The following DUSP19 variants were observed in gnomAD, a reference collection of about 807,000 sequenced individuals.
DUSP19 encodes dual specificity phosphatase 19, also known as dual specificity protein phosphatase 19.
In DUSP19, 14 loss-of-function variants were observed where a neutral mutation model predicts 16.6. That is an observed-to-expected ratio of 0.84 (90% CI 0.56 to 1.32). The LOEUF (loss-of-function observed/expected upper bound fraction) is 1.32. Ranked by LOEUF, DUSP19 falls within the 40% of genes most tolerant of loss-of-function variation. DUSP19 has a pLI of 0.00. For synonymous variants in DUSP19, 81 were observed against 90.5 expected (o/e 0.90, Z 0.59); for missense variants, 258 against 255.9 (o/e 1.01, Z -0.06).
At chr2:183,083,401 C>G (rs749940422) in intron 1 of DUSP19, 107 bp from the exon 2 acceptor site, 46 of 1,113,460 alleles carry the variant, frequency 4.1e-5, no homozygotes, top group Non-Finnish European at 5.8e-5. Context: ...AAGGTCCTTC[C>G]AAGTTGTTGG....
rs771489024 is a variant in DUSP19, at chr2:183,095,476, G to T, written c.472G>T (p.Ala158Ser). Residue 158 changes from alanine to serine, a missense_variant, in exon 4 of 4, where the codon GCT becomes TCT. By Grantham distance (99) the Ala-to-Ser change is moderately conservative. Coordinates refer to ENST00000354221, the MANE Select transcript of DUSP19 (RefSeq NM_080876.4). ...TTGTAATGCAGGCGTTTCCAGGGCTGCTGCAATTGTAATAGGTTTCCTGAT... is the reference window on the plus strand; with the variant it reads ...TTGTAATGCAGGCGTTTCCAGGGCTTCTGCAATTGTAATAGGTTTCCTGAT... ...VHCNAGVSRA[A>S]AIVIGFLMNS... is the part of the protein sequence containing the mutation. 4 of 1,613,110 alleles carry T rather than the reference G, an allele frequency of 2.5e-6. No homozygotes were observed. Among genetic ancestry groups the T allele is most frequent in the Middle Eastern group, 1.6e-4 (1 of 6,080 alleles).
At chr2:183,092,621 T>A (rs1210084237) in intron 3 of DUSP19, among the ~76,000 whole-genome samples, 1 of 152,170 alleles carries the variant, frequency 6.6e-6, no homozygotes, top group East Asian at 1.9e-4. Flanking sequence ...GTACCACATT[T>A]TCATTATACA....
intron 2 of DUSP19, among the ~76,000 whole-genome samples, 194 bp from the exon 3 acceptor site, chr2:183,086,844 TAA>T (rs776333155): frequency 3.5e-5 from 5 of 143,756 alleles, no homozygotes; most frequent in Non-Finnish European, 7.5e-5. Flanking sequence ...AATAATAAGT[TAA>T]AAGAGAGAGA....
chr2:183,091,427 C>T (rs188733734), intron 3 of DUSP19, among the ~76,000 whole-genome samples: 53 of 152,252 alleles, frequency 3.5e-4, no homozygotes, highest in Admixed American at 5.9e-4. Context: ...GTCCAAGCAG[C>T]GGCCCAAGGG....
intron 1 of DUSP19, among the ~76,000 whole-genome samples, chr2:183,082,423 T>C (rs900991779): frequency 7.2e-6 from 1 of 139,196 alleles, no homozygotes; most frequent in Non-Finnish European, 1.6e-5. Flanking sequence ...ATTTTTCTTT[T>C]TTTTTTTTTT....
intron 1 of DUSP19, among the ~76,000 whole-genome samples, chr2:183,081,510 T>C (rs1008236500): frequency 1.3e-5 from 2 of 152,102 alleles, no homozygotes; most frequent in African/African-American, 2.4e-5. Flanking sequence ...GCCTCCCAAA[T>C]TTCTGGGATT....
chr2:183,079,825 TAGTC>T (rs764580805), intron 1 of DUSP19, among the ~76,000 whole-genome samples: 2 of 152,200 alleles, frequency 1.3e-5, no homozygotes, highest in Non-Finnish European at 2.9e-5. Context: ...CTTAAAAAAA[TAGTC>T]AAGAATGTTT....
At chr2:183,084,861 G>A (rs924591694) in intron 2 of DUSP19, among the ~76,000 whole-genome samples, 1 of 152,196 alleles carries the variant, frequency 6.6e-6, no homozygotes, top group Non-Finnish European at 1.5e-5. Flanking sequence ...GATAGAATTA[G>A]ATAGATGTGA....
chr2:183,079,069 G>T lies in DUSP19; in HGVS notation c.136G>T (p.Val46Leu). 1 of 1,614,178 alleles carries T rather than the reference G, an allele frequency of 6.2e-7. No homozygotes were observed. The highest frequency in any genetic ancestry group is 8.5e-7 in the Non-Finnish European group (1 of 1,180,036). The change falls in exon 1 of 4, where the codon GTA becomes TTA. Residue 46 changes from valine to leucine, a missense_variant. Physicochemically the swap from Val to Leu is conservative, Grantham distance 32 (BLOSUM62 1). Transcript: ENST00000354221. ...KDARIHVVEE[V>L]EPSSGGGCGY... ...TGCCAGAATTCATGTTGTGGAAGAA[G>T]TAGAGCCGAGCAGTGGGGGTGGTTG... is the stretch of plus-strand genomic sequence containing the variant.
chr2:183,084,957 A>G (rs1007742705), intron 2 of DUSP19, among the ~76,000 whole-genome samples: 1 of 152,194 alleles, frequency 6.6e-6, no homozygotes, highest in African/African-American at 2.4e-5. Context: ...GGAGGAGTCA[A>G]GGCTGATGTC....
Position 183,079,135 on chromosome 2 carries a change from G to C in DUSP19, c.202G>C (p.Val68Leu), listed in dbSNP as rs541193805. 6.2e-7 allele frequency: 1 copy of C among 1,613,870 alleles called. No homozygotes were observed. The highest frequency in any genetic ancestry group is 1.1e-5 in the South Asian group (1 of 91,062). Residue 68 changes from valine (V) to leucine (L), a missense_variant, in exon 1 of 4, where the codon GTT (valine) becomes CTT (leucine). Coordinates refer to ENST00000354221, the MANE Select transcript of DUSP19 (RefSeq NM_080876.4). The part of the protein sequence containing the change: ...QDLSSDLQVG[V>L]IKPWLLLGSQ... ...CCTTAGCTCGGACCTGCAAGTTGGC[G>C]TTATTAAGCCATGGTTGCTCCTAGG... is the stretch of plus-strand genomic sequence containing the variant.
intron 2 of DUSP19, among the ~76,000 whole-genome samples, chr2:183,086,386 A>T (rs1252589637): frequency 6.6e-6 from 1 of 152,138 alleles, no homozygotes; most frequent in East Asian, 1.9e-4. Context: ...TTTCTGCTAA[A>T]CTCACTGCTC....
chr2:183,091,448 G>C (rs1699731253), intron 3 of DUSP19, among the ~76,000 whole-genome samples: 1 of 152,180 alleles, frequency 6.6e-6, no homozygotes, highest in South Asian at 2.1e-4. Context: ...ACAGGATACA[G>C]AATCTTCTTG....
rs968660973 is a variant in DUSP19, at chr2:183,091,251, C to A, written c.426+4059C>A. Reference sequence around the variant, plus strand: ...CCTAAATTCACGAAGTTTTTAGATGCTTCTGTTACAAGTAGAGGGTCATGA... The same window carrying A: ...CCTAAATTCACGAAGTTTTTAGATGATTCTGTTACAAGTAGAGGGTCATGA... On this transcript the variant is annotated intron_variant, in intron 3 of 3. Coordinates refer to ENST00000354221, the MANE Select transcript of DUSP19 (RefSeq NM_080876.4). Among the ~76,000 whole-genome samples, 3 of 152,166 alleles carry A rather than the reference C, an allele frequency of 2.0e-5. No individual in the cohort carries two copies. The South Asian group carries it at 6.2e-4, about 32-fold the overall frequency.
At chr2:183,088,410 G>GT (rs71008263) in intron 3 of DUSP19, among the ~76,000 whole-genome samples, 1,982 of 118,454 alleles carry the variant, frequency 0.017, 17 homozygotes, top group African/African-American at 0.025. Context: ...TTTTTTTTTT[G>GT]TTTTTTTTTT....
intron 1 of DUSP19, among the ~76,000 whole-genome samples, chr2:183,080,059 A>C (rs1414286970): frequency 3.3e-5 from 5 of 152,224 alleles, no homozygotes; most frequent in Non-Finnish European, 1.5e-5. Context: ...AAAATTGGTG[A>C]AGTAATTTAC....
Position 183,078,791 on chromosome 2 carries a change from T to C in DUSP19, c.-143T>C, listed in dbSNP as rs1559125829. ...AACGGAGCTGGACGACTCAGTCTCTTGGTCTGTGGCTGCTGCGGTTACCTG... is the reference window on the plus strand; with the variant it reads ...AACGGAGCTGGACGACTCAGTCTCTCGGTCTGTGGCTGCTGCGGTTACCTG... On this transcript the variant is annotated 5_prime_UTR_variant, in exon 1 of 4. Coordinates refer to ENST00000354221, the MANE Select transcript of DUSP19 (RefSeq NM_080876.4). The C allele has an allele frequency of 4.3e-6, 3 of 692,240 alleles. No individual in the cohort carries two copies. Among genetic ancestry groups the C allele is most frequent in the Admixed American group, 2.7e-5 (1 of 36,660 alleles). 42.9% of individuals were successfully genotyped at this position (692,240 alleles called of 1,614,324 possible).
chr2:183,095,376 T>C, intron 3 of DUSP19, 55 bp from the exon 4 acceptor site: 1 of 1,446,932 alleles, frequency 6.9e-7, no homozygotes, highest in Non-Finnish European at 9.5e-7. Flanking sequence ...GCAATTGATA[T>C]AATAACCTTT....
chr2:183,084,372 T>C (rs146039281), intron 2 of DUSP19, among the ~76,000 whole-genome samples: 1 of 151,540 alleles, frequency 6.6e-6, no homozygotes, highest in East Asian at 1.9e-4. Context: ...GGTTACAGTG[T>C]GCTATGATTT....
Sources: gnomAD v4.1 joint callset for allele counts (sites outside exome capture counted in the v4.1 genomes callset) on GRCh38, gnomAD v4.1.1 for gene constraint, MANE v1.5 for transcripts, NCBI Gene and HGNC (gene_info 2026-07-23, HGNC 2026-07-21) for gene names.